Variants in HECW2 observed in about 807,000 individuals in gnomAD.
HECW2 encodes HECT, C2 and WW domain containing E3 ubiquitin protein ligase 2.
Under a neutral mutation model 175.2 loss-of-function variants are expected in HECW2, and 61 were observed. The observed-to-expected ratio is 0.35, with a 90% confidence interval of 0.28 to 0.43. The LOEUF (loss-of-function observed/expected upper bound fraction) is 0.43, where lower values mean the gene tolerates loss of function less well. Ranked by LOEUF, HECW2 falls within the 20% of genes least tolerant of loss-of-function variation. The probability of loss-of-function intolerance (pLI) is 1.00; values close to 1 mark genes in which losing one functional copy is unlikely to be tolerated. For synonymous variants in HECW2, 671 were observed against 731.0 expected, an observed-to-expected ratio of 0.92 and a Z score of 1.32; for missense variants, 1,524 against 2,000.5, an observed-to-expected ratio of 0.76 and a Z score of 4.54.
At chr2:196,418,073 C>T (rs1178242084) in intron 2 of HECW2, among the ~76,000 whole-genome samples, 3 of 151,782 alleles carry the variant, frequency 2.0e-5, no homozygotes, top group African/African-American at 7.3e-5. Flanking sequence ...TAGCTTAGTG[C>T]TATAAATATA....
intron 1 of HECW2, among the ~76,000 whole-genome samples, chr2:196,546,234 A>T (rs1575659148): frequency 6.6e-6 from 1 of 152,180 alleles, no homozygotes; most frequent in Non-Finnish European, 1.5e-5. Context: ...CCTTAGTGCC[A>T]CTTCCCAGCT....
chr2:196,382,204 A>G (rs1694225460), intron 2 of HECW2, among the ~76,000 whole-genome samples: 1 of 122,036 alleles, frequency 8.2e-6, no homozygotes, highest in South Asian at 3.1e-4. Context: ...GTGTGTGTAT[A>G]TACATATAGT....
chr2:196,291,365 C>T (rs1402258553), intron 14 of HECW2: 1 of 152,094 alleles, frequency 6.6e-6, no homozygotes, highest in East Asian at 1.9e-4. Context: ...TAGCATTAAT[C>T]AGCTCTTGGC....
rs551119610 is a variant in HECW2, at chr2:196,402,125, T to C, written c.292+31007A>G. 1.1e-3 allele frequency among the ~76,000 whole-genome samples: 142 copies of C among 125,936 alleles called. 4 individuals carry two copies. In the South Asian group the frequency reaches 0.02, roughly 18 times the overall value. 82.6% of individuals were successfully genotyped at this position (125,936 alleles called of 152,430 possible). A position where few individuals can be genotyped will look rare whatever the true frequency, so the allele number is the denominator to read the frequency against. On this transcript the variant is annotated intron_variant, in intron 2 of 28. Coordinates refer to ENST00000644978, the MANE Select transcript of HECW2 (RefSeq NM_001348768.2). ...CTGAGGCAGGAGAATGGCATGAATC[T>C]GGGAGGCGGAGCTTGCAGTGAGCCG...
chr2:196,275,569 T>A (rs189851885), intron 15 of HECW2, among the ~76,000 whole-genome samples: 1 of 152,176 alleles, frequency 6.6e-6, no homozygotes, highest in East Asian at 1.9e-4. Context: ...CTGGCCAACA[T>A]GGTGAAACCC....
Position 196,319,204 on chromosome 2 carries a change from C to T in HECW2, c.1686G>A (p.Gln562=). The change falls in exon 9 of 29, where the codon CAG becomes CAA. Residue 562 remains glutamine, a synonymous_variant. Coordinates refer to ENST00000644978, the MANE Select transcript of HECW2 (RefSeq NM_001348768.2). The part of the protein sequence containing the change: ...GGPEPQPSAD[Q]GSAELCGSQE... ...GAGAGCCACACAGTTCAGCACTGCC[C>T]TGGTCAGCACTGGGTTGAGGCTCTG... 1 of 1,595,834 alleles carries T rather than the reference C, an allele frequency of 6.3e-7. No homozygotes were observed. The highest frequency in any genetic ancestry group is 8.5e-7 in the Non-Finnish European group (1 of 1,170,944).
chr2:196,392,465 A>C (rs1575493872), intron 2 of HECW2, among the ~76,000 whole-genome samples: 1 of 151,280 alleles, frequency 6.6e-6, no homozygotes, highest in African/African-American at 2.4e-5. Context: ...AGTTTAAGGA[A>C]GTGTGGTACA....
intron 1 of HECW2, among the ~76,000 whole-genome samples, chr2:196,591,405 T>C (rs1691187396): frequency 6.6e-6 from 1 of 152,148 alleles, no homozygotes; most frequent in South Asian, 2.1e-4. Flanking sequence ...GTGCAACTGA[T>C]TTTCCCCCAG....
In HECW2 at chr2:196,469,120, C is replaced by CGTGTGTGT. The variant is rs33984882; in HGVS notation, c.-35-35670_-35-35663dup. 6.0e-3 allele frequency among the ~76,000 whole-genome samples: 876 copies of CGTGTGTGT among 144,818 alleles called. 7 individuals are homozygous for CGTGTGTGT. Among genetic ancestry groups the CGTGTGTGT allele is most frequent in the African/African-American group, 8.9e-3 (347 of 38,834 alleles). On this transcript the variant is annotated intron_variant, in intron 1 of 28. Coordinates refer to ENST00000644978, the MANE Select transcript of HECW2 (RefSeq NM_001348768.2). ...CTGAACCTGTGTGTGTGTGTGTGTG[C>CGTGTGTGT]GTGTGTGTGTGTGTGTGTGTGTGTG...
rs551162848 is a variant in HECW2 at position 196,388,650 on chromosome 2, G to A, written c.292+44482C>T. ...GCTATGCTACTCTATATTTACTTGT[G>A]GGACTTCAACATATATCTTTTTCCT... On this transcript the variant is annotated intron_variant, in intron 2 of 28. Transcript: ENST00000644978. Among the ~76,000 whole-genome samples, 3 of 152,194 alleles carry A rather than the reference G, an allele frequency of 2.0e-5. No individual in the cohort carries two copies. In the East Asian group the frequency reaches 5.8e-4, roughly 29 times the overall value.
At chr2:196,525,621 G>T in intron 1 of HECW2, among the ~76,000 whole-genome samples, 1 of 145,012 alleles carries the variant, frequency 6.9e-6, no homozygotes, top group African/African-American at 2.5e-5. Context: ...GGTACCGGTT[G>T]TTCCTTTCCA....
intron 14 of HECW2, among the ~76,000 whole-genome samples, chr2:196,279,200 C>T (rs910209330): frequency 1.3e-5 from 2 of 152,084 alleles, no homozygotes; most frequent in Non-Finnish European, 2.9e-5. Flanking sequence ...AGGCGCCCAC[C>T]ACCACGCCCG....
chr2:196,348,872 C>A (rs1003977954), intron 2 of HECW2, among the ~76,000 whole-genome samples: 1 of 152,160 alleles, frequency 6.6e-6, no homozygotes, highest in Non-Finnish European at 1.5e-5. Context: ...TCCTCACATC[C>A]CCTACCTAAT....
chr2:196,298,268 C>G (rs777916124), intron 13 of HECW2, among the ~76,000 whole-genome samples: 146 of 152,150 alleles, frequency 9.6e-4, no homozygotes, highest in Admixed American at 2.1e-3. Flanking sequence ...CAAGAGAAAT[C>G]GTTTGTCAGG....
At chr2:196,523,943 T>C (rs1421581364) in intron 1 of HECW2, among the ~76,000 whole-genome samples, 3 of 152,216 alleles carry the variant, frequency 2.0e-5, no homozygotes, top group African/African-American at 4.8e-5. Context: ...TTGTCTTTTT[T>C]GATTGTGTCT....
chr2:196,457,518 T>C (rs1696560244), intron 1 of HECW2, among the ~76,000 whole-genome samples: 1 of 152,238 alleles, frequency 6.6e-6, no homozygotes, highest in Admixed American at 6.5e-5. Flanking sequence ...TGTGAGTTTC[T>C]CAAATACACA....
intron 1 of HECW2, among the ~76,000 whole-genome samples, chr2:196,453,812 G>A (rs1402984870): frequency 6.6e-6 from 1 of 152,010 alleles, no homozygotes; most frequent in Non-Finnish European, 1.5e-5. Flanking sequence ...AGCAGTTCGG[G>A]GATAGAGAAT....
intron 1 of HECW2, among the ~76,000 whole-genome samples, chr2:196,542,669 A>G (rs1689265635): frequency 6.6e-6 from 1 of 151,950 alleles, no homozygotes; most frequent in South Asian, 2.1e-4. Flanking sequence ...TTCTAGGGGC[A>G]GTCCATGTAT....
intron 13 of HECW2, among the ~76,000 whole-genome samples, chr2:196,305,275 CTCA>C (rs1156788948): frequency 6.6e-6 from 1 of 152,176 alleles, no homozygotes; most frequent in Non-Finnish European, 1.5e-5. Flanking sequence ...TAACCCCTCT[CTCA>C]TAATATATGA....
Sources: gnomAD v4.1 joint callset for allele counts (sites outside exome capture counted in the v4.1 genomes callset) on GRCh38, gnomAD v4.1.1 for gene constraint, MANE v1.5 for transcripts, NCBI Gene and HGNC (gene_info 2026-07-23, HGNC 2026-07-21) for gene names.